The following CLASP2 variants were observed in gnomAD, a reference collection of about 807,000 sequenced individuals.
The protein encoded by CLASP2 is cytoplasmic linker associated protein 2.
CLASP2 carries 47 observed loss-of-function variants against 194.4 expected under a neutral mutation model. That is an observed-to-expected ratio of 0.24 (90% CI 0.19 to 0.31). The LOEUF is 0.31. Among genes scored for constraint, CLASP2 ranks in the 10% least tolerant of loss-of-function variants. The pLI is 1.00. For missense variants in CLASP2, 1,445 were observed against 1,823.6 expected (o/e 0.79, Z 3.78); for synonymous variants, 619 against 633.5 (o/e 0.98, Z 0.34).
chr3:33,529,960 G>A (rs1476747351), intron 34 of CLASP2, among the ~76,000 whole-genome samples: 1 of 145,970 alleles, frequency 6.9e-6, no homozygotes, highest in East Asian at 2.0e-4. Flanking sequence ...AGTCCGGGCT[G>A]GGCGACAGAG....
intron 7 of CLASP2, among the ~76,000 whole-genome samples, chr3:33,651,255 T>C (rs1221079785): frequency 6.6e-6 from 1 of 151,936 alleles, no homozygotes; most frequent in Non-Finnish European, 1.5e-5. Context: ...TGGTGGCGCA[T>C]GCCTGTAATC....
chr3:33,685,120 C>G (rs1485778404), intron 5 of CLASP2, among the ~76,000 whole-genome samples: 2 of 151,326 alleles, frequency 1.3e-5, no homozygotes, highest in Admixed American at 1.3e-4. Context: ...GCTGGCGGTT[C>G]ACCTGAGGTC....
chr3:33,671,721 A>G (rs1436056704), intron 6 of CLASP2, among the ~76,000 whole-genome samples: 1 of 152,194 alleles, frequency 6.6e-6, no homozygotes, highest in Non-Finnish European at 1.5e-5. Flanking sequence ...CACCTGGAAA[A>G]TCGGGTCACT....
chr3:33,676,507 A>T (rs1344073154), intron 6 of CLASP2, among the ~76,000 whole-genome samples: 1 of 150,916 alleles, frequency 6.6e-6, no homozygotes, highest in African/African-American at 2.4e-5. Context: ...CATATGGAGA[A>T]AGCTGAAACT....
intron 9 of CLASP2, chr3:33,627,347 T>C: frequency 7.6e-6 from 3 of 392,330 alleles, no homozygotes; most frequent in Non-Finnish European, 9.3e-6. Context: ...AAAAACAAGA[T>C]GTAAAATATC....
rs2045858628 is a variant in CLASP2, at chr3:33,496,895, A to G, written c.*1736T>C. 2.0e-5 allele frequency: 3 copies of G among 152,708 alleles called. No homozygotes were observed. The South Asian group carries it at 6.2e-4, about 32-fold the overall frequency. 9.5% of individuals were successfully genotyped at this position (152,708 alleles called of 1,614,324 possible). ...TCTTTTCTCCTCAGATGAACTTACA[A>G]AATTCAAGAGACCACCACTGATACA... is the stretch of plus-strand genomic sequence containing the variant. On this transcript the variant is annotated 3_prime_UTR_variant, in exon 39 of 39. Transcript: ENST00000682230.
intron 8 of CLASP2, among the ~76,000 whole-genome samples, chr3:33,639,611 A>C (rs2080910634): frequency 6.6e-6 from 1 of 152,208 alleles, no homozygotes; most frequent in African/African-American, 2.4e-5. Flanking sequence ...ATTCTTATAC[A>C]TAGTAAGAAA....
In CLASP2 at chr3:33,498,387, C is replaced by T. The variant is rs942878591; in HGVS notation, c.*244G>A. The T allele has an allele frequency of 2.8e-6, 1 of 356,152 alleles. No individual in the cohort carries two copies. Among genetic ancestry groups the T allele is most frequent in the Non-Finnish European group, 5.0e-6 (1 of 199,026 alleles). 22.1% of individuals were successfully genotyped at this position (356,152 alleles called of 1,614,324 possible). A position where few individuals can be genotyped will look rare whatever the true frequency, so the allele number is the denominator to read the frequency against. On this transcript the variant is annotated 3_prime_UTR_variant, in exon 39 of 39. Transcript: ENST00000682230. Reference sequence around the variant, plus strand: ...AAATGATGAATTAAATTAAAAATTACTTTGTGTCGATCAATTGATGTTAAT... The same window carrying T: ...AAATGATGAATTAAATTAAAAATTATTTTGTGTCGATCAATTGATGTTAAT...
At chr3:33,551,518 T>C in intron 29 of CLASP2, 123 bp from the exon 30 acceptor site, 1 of 963,550 alleles carries the variant, frequency 1.0e-6, no homozygotes, top group East Asian at 2.7e-5. Context: ...AGGGTCTTAC[T>C]ATGTTGGCAA....
At chr3:33,554,555 A>C (rs2060595747) in intron 29 of CLASP2, 1 of 152,236 alleles carries the variant, frequency 6.6e-6, no homozygotes, top group South Asian at 2.1e-4. Flanking sequence ...AGGAGGAATA[A>C]GTTTAAGAGA....
At chr3:33,595,091 T>C in intron 19 of CLASP2, 123 bp from the exon 20 acceptor site, 1 of 484,900 alleles carries the variant, frequency 2.1e-6, no homozygotes, top group Non-Finnish European at 3.5e-6. Context: ...ACTTTTAGTC[T>C]GACAGCCTTA....
At chr3:33,713,012 C>CAGAAAAAAAAAAAAAAAAAAAAAAAAAAA (rs1559717375) in intron 1 of CLASP2, among the ~76,000 whole-genome samples, 3 of 46,990 alleles carry the variant, frequency 6.4e-5, no homozygotes, top group Non-Finnish European at 1.3e-4. Flanking sequence ...AACTCCACCT[C>CAGAAAAAAAAAAAAAAAAAAAAAAAAAAA]AAAAAAAAAA....
intron 8 of CLASP2, 24 bp downstream of exon 8, chr3:33,644,733 A>G (rs1230903293): frequency 6.2e-7 from 1 of 1,612,116 alleles, no homozygotes; most frequent in East Asian, 2.2e-5. Context: ...CATGCATAAC[A>G]GATTTGAAAT....
intron 8 of CLASP2, 104 bp from the exon 9 acceptor site, chr3:33,632,475 A>G (rs1359844819): frequency 2.7e-6 from 2 of 746,864 alleles, no homozygotes; most frequent in East Asian, 5.7e-5. Flanking sequence ...CAAAAGTATA[A>G]TTTTAAGGGA....
intron 11 of CLASP2, among the ~76,000 whole-genome samples, chr3:33,620,309 C>T (rs559559653): frequency 8.5e-5 from 13 of 152,268 alleles, no homozygotes; most frequent in Admixed American, 5.2e-4. Context: ...ATCTTTAGGA[C>T]ATCTGACTTC....
intron 6 of CLASP2, among the ~76,000 whole-genome samples, chr3:33,681,588 C>T (rs191422715): frequency 4.1e-4 from 63 of 152,252 alleles, no homozygotes; most frequent in African/African-American, 1.4e-3. Flanking sequence ...ATGGGGGAAA[C>T]TTCACAGAAT....
At chr3:33,539,499 T>A (rs2057967545) in intron 32 of CLASP2, among the ~76,000 whole-genome samples, 1 of 152,010 alleles carries the variant, frequency 6.6e-6, no homozygotes, top group Admixed American at 6.5e-5. Context: ...CACACCTGGC[T>A]AATTTTTGTA....
intron 18 of CLASP2, among the ~76,000 whole-genome samples, chr3:33,600,410 T>C (rs369482881): frequency 2.6e-5 from 4 of 152,202 alleles, no homozygotes; most frequent in East Asian, 3.8e-4. Flanking sequence ...TTGTTGAGTA[T>C]GTTTATTATG....
chr3:33,686,557 C>T (rs2090701643), intron 5 of CLASP2, among the ~76,000 whole-genome samples: 1 of 152,112 alleles, frequency 6.6e-6, no homozygotes, highest in Non-Finnish European at 1.5e-5. Flanking sequence ...CCATCCCTAC[C>T]CCGCCCATGG....
Sources: allele counts gnomAD v4.1 joint callset (sites outside exome capture counted in the v4.1 genomes callset), GRCh38; gene constraint gnomAD v4.1.1; transcripts MANE v1.5; gene names NCBI Gene and HGNC (gene_info 2026-07-23, HGNC 2026-07-21).